Variants in ZSCAN25 observed in about 807,000 individuals in gnomAD.
ZSCAN25 encodes zinc finger and SCAN domain containing 25, also known as zinc finger and SCAN domain-containing protein 25.
A neutral mutation model predicts 38.7 loss-of-function variants in ZSCAN25; 27 were observed. That is an observed-to-expected ratio of 0.70 (90% CI 0.51 to 0.96). The LOEUF (loss-of-function observed/expected upper bound fraction) is 0.96. ZSCAN25 is among the 40% of genes least tolerant of loss of function. ZSCAN25 has a pLI of 0.00. For synonymous variants in ZSCAN25, 273 were observed against 277.7 expected, an observed-to-expected ratio of 0.98 and a Z score of 0.17; for missense variants, 637 against 705.9, an observed-to-expected ratio of 0.90 and a Z score of 1.11.
intron 3 of ZSCAN25, 138 bp from the exon 4 acceptor site, chr7:99,619,423 C>G: frequency 1.5e-6 from 1 of 662,720 alleles, no homozygotes; most frequent in East Asian, 2.7e-5. Context: ...TTGAATTGAC[C>G]TGACTTTTGG....
the ZSCAN25 span, among the ~76,000 whole-genome samples, chr7:99,712,897 A>G: frequency 1.3e-5 from 2 of 152,224 alleles, no homozygotes; most frequent in African/African-American, 2.4e-5. Context: ...ACTGAAGACA[A>G]AGGATATTTA....
chr7:99,621,750 CT>C, intron 5 of ZSCAN25, 176 bp downstream of exon 5: 1 of 455,984 alleles, frequency 2.2e-6, no homozygotes. Flanking sequence ...TTTCTTCTCC[CT>C]TTACCCTCTG....
chr7:99,645,047 A>G, the ZSCAN25 span, among the ~76,000 whole-genome samples: 1 of 152,218 alleles, frequency 6.6e-6, no homozygotes, highest in South Asian at 2.1e-4. Flanking sequence ...CTGGAGTGCA[A>G]TGGCGCGATC....
chr7:99,643,580 G>A, the ZSCAN25 span, among the ~76,000 whole-genome samples: 1 of 151,850 alleles, frequency 6.6e-6, no homozygotes, highest in Non-Finnish European at 1.5e-5. Flanking sequence ...TGAGTTTTTT[G>A]TGGTTTTATG....
chr7:99,714,640 AT>A, the ZSCAN25 span: 1 of 1,613,056 alleles, frequency 6.2e-7, no homozygotes, highest in Non-Finnish European at 8.5e-7. Flanking sequence ...AAACACAGTG[AT>A]ATTTAATGCT....
At chr7:99,718,327 T>C in the ZSCAN25 span, among the ~76,000 whole-genome samples, 1 of 152,208 alleles carries the variant, frequency 6.6e-6, no homozygotes, top group Admixed American at 6.5e-5. Flanking sequence ...ATAATGCGAT[T>C]CTATTAACAT....
chr7:99,726,281 G>A, the ZSCAN25 span, among the ~76,000 whole-genome samples: 30 of 152,272 alleles, frequency 2.0e-4, no homozygotes, highest in Non-Finnish European at 4.3e-4. Context: ...GAGGCTTTAA[G>A]GAGATTGAAG....
At chr7:99,656,623 T>C in the ZSCAN25 span, among the ~76,000 whole-genome samples, 1 of 152,246 alleles carries the variant, frequency 6.6e-6, no homozygotes, top group Non-Finnish European at 1.5e-5. Flanking sequence ...ATTCCCTCTT[T>C]TTCTATTGAT....
chr7:99,626,495 G>A (rs565649104), intron 7 of ZSCAN25, among the ~76,000 whole-genome samples: 48 of 152,272 alleles, frequency 3.2e-4, no homozygotes, highest in African/African-American at 1.0e-3. Flanking sequence ...TGTAGAAGGG[G>A]GTTTACTGAA....
At chr7:99,652,733 A>T in the ZSCAN25 span, 1 of 1,614,106 alleles carries the variant, frequency 6.2e-7, no homozygotes, top group Non-Finnish European at 8.5e-7. Flanking sequence ...ATTCACCACC[A>T]TGTCAAGGTA....
At chr7:99,708,057 C>T in the ZSCAN25 span, 1 of 1,590,254 alleles carries the variant, frequency 6.3e-7, no homozygotes, top group Non-Finnish European at 8.6e-7. Context: ...TACTTAGGGC[C>T]CACCCCTCTA....
At chr7:99,626,199 G>T (rs1807455638) in intron 7 of ZSCAN25, among the ~76,000 whole-genome samples, 1 of 152,236 alleles carries the variant, frequency 6.6e-6, no homozygotes, top group Non-Finnish European at 1.5e-5. Flanking sequence ...AGTAGCAGGT[G>T]CAGAAACCTG....
the ZSCAN25 span, among the ~76,000 whole-genome samples, chr7:99,726,485 C>T: frequency 1.4e-4 from 22 of 152,180 alleles, no homozygotes; most frequent in Admixed American, 5.9e-4. Context: ...CAATATCTCC[C>T]TCCACAACTC....
chr7:99,650,687 A>G, the ZSCAN25 span, among the ~76,000 whole-genome samples: 1 of 151,830 alleles, frequency 6.6e-6, no homozygotes, highest in East Asian at 1.9e-4. Flanking sequence ...TTCTCCTGTC[A>G]TCTCTTTTTT....
chr7:99,680,020 G>T, the ZSCAN25 span: 1 of 823,660 alleles, frequency 1.2e-6, no homozygotes, highest in Non-Finnish European at 2.1e-6. Context: ...GCTGCTGAAA[G>T]ATTTATGTGC....
chr7:99,654,454 G>A, the ZSCAN25 span, among the ~76,000 whole-genome samples: 5 of 152,144 alleles, frequency 3.3e-5, no homozygotes, highest in African/African-American at 1.2e-4. Flanking sequence ...GTGTATATGT[G>A]CCACATTTTC....
chr7:99,723,350 T>C, the ZSCAN25 span, among the ~76,000 whole-genome samples: 2 of 152,196 alleles, frequency 1.3e-5, no homozygotes, highest in African/African-American at 2.4e-5. Flanking sequence ...ATGAGTCTTA[T>C]GATCTCCCTA....
the ZSCAN25 span, among the ~76,000 whole-genome samples, chr7:99,691,476 G>C: frequency 6.6e-6 from 1 of 152,070 alleles, no homozygotes; most frequent in Non-Finnish European, 1.5e-5. Flanking sequence ...TCATTGATCT[G>C]TCTAATATTG....
At chr7:99,709,127 A>G in the ZSCAN25 span, 8 of 1,613,874 alleles carry the variant, frequency 5.0e-6, no homozygotes, top group East Asian at 8.9e-5. Context: ...CTTTGGGAAT[A>G]AACATCCCAT....
Sources: gnomAD v4.1 joint callset for allele counts (sites outside exome capture counted in the v4.1 genomes callset) on GRCh38, gnomAD v4.1.1 for gene constraint, MANE v1.5 for transcripts, NCBI Gene and HGNC (gene_info 2026-07-23, HGNC 2026-07-21) for gene names.